Variants in TAC4 observed in about 807,000 individuals in gnomAD.
The protein encoded by TAC4 is tachykinin-4.
In TAC4, 17 loss-of-function variants were observed where a neutral mutation model predicts 17.7. The observed-to-expected ratio is 0.96, with a 90% CI of 0.66 to 1.44. The LOEUF (loss-of-function observed/expected upper bound fraction) is 1.44. TAC4 is among the 40% of genes most tolerant of loss of function. The probability of loss-of-function intolerance (pLI) is 0.00; values close to 1 mark genes in which losing one functional copy is unlikely to be tolerated. For synonymous variants in TAC4, 62 were observed against 52.4 expected (o/e 1.18, Z -0.79); for missense variants, 118 against 125.6 (o/e 0.94, Z 0.29).
chr17:49,838,747 C>T, intron 4 of TAC4, 74 bp from the exon 5 acceptor site: 1 of 1,523,870 alleles, frequency 6.6e-7, no homozygotes, highest in Non-Finnish European at 8.9e-7. Context: ...AGAAGTCTTC[C>T]CTAGTTGCAT....
chr17:49,838,712 G>C (rs773038472), intron 4 of TAC4, 39 bp from the exon 5 acceptor site: 3 of 1,603,628 alleles, frequency 1.9e-6, no homozygotes, highest in Non-Finnish European at 2.6e-6. Context: ...GTTAGTCGGG[G>C]GTCTTGTCTG....
rs1025057815 is a variant in TAC4 at position 49,841,142 on chromosome 17, T to C, written c.232+410A>G. 9.2e-5 allele frequency among the ~76,000 whole-genome samples: 14 copies of C among 151,776 alleles called. 1 individual carries two copies. The highest frequency in any genetic ancestry group is 2.9e-5 in the Non-Finnish European group (2 of 67,972). Reference sequence around the variant, plus strand: ...CTCAAGTGATCTGGCTGCCTTGGCCTCCCAAAGTGCTGAGATTACAGGCAT... The same window carrying C: ...CTCAAGTGATCTGGCTGCCTTGGCCCCCCAAAGTGCTGAGATTACAGGCAT... On this transcript the variant is annotated intron_variant, in intron 3 of 4. Transcript: ENST00000436235.
At chr17:49,843,255 A>C (rs1208123362) in intron 2 of TAC4, among the ~76,000 whole-genome samples, 1 of 152,254 alleles carries the variant, frequency 6.6e-6, no homozygotes, top group Non-Finnish European at 1.5e-5. Context: ...TGACAATAAG[A>C]GAAAACTGCT....
chr17:49,838,800 T>C, intron 4 of TAC4, 127 bp from the exon 5 acceptor site: 1 of 872,362 alleles, frequency 1.1e-6, no homozygotes, highest in Non-Finnish European at 1.8e-6. Flanking sequence ...TTTCTGGAGA[T>C]ATCTAGGGCA....
intron 1 of TAC4, among the ~76,000 whole-genome samples, chr17:49,845,652 G>A (rs1382659569): frequency 1.3e-5 from 2 of 152,138 alleles, no homozygotes; most frequent in Admixed American, 6.5e-5. Context: ...AATGCGAGCC[G>A]CCTGCCAGGA....
At chr17:49,846,110 A>G (rs2074536372) in intron 1 of TAC4, 1 of 840,940 alleles carries the variant, frequency 1.2e-6, no homozygotes. Flanking sequence ...GTGGGGGGGC[A>G]TTCGGAGACA....
At chr17:49,847,327 TTGTC>T (rs2074550553) in intron 1 of TAC4, 1 of 1,188,634 alleles carries the variant, frequency 8.4e-7, no homozygotes, top group African/African-American at 1.6e-5. Context: ...CCCAATCAGA[TTGTC>T]AGGCAGGAGT....
chr17:49,847,279 T>G lies in TAC4; in HGVS notation c.105+634A>C, dbSNP rs756407796. On this transcript the variant is annotated intron_variant, in intron 1 of 4. Coordinates refer to ENST00000436235, the MANE Select transcript of TAC4 (RefSeq NM_001077506.2). Reference sequence around the variant, plus strand: ...CTGGCTTGTTGGTATCTGTCCCTTGTCTGATTAGGGAACGCCTGAGGTCAG... The same window carrying G: ...CTGGCTTGTTGGTATCTGTCCCTTGGCTGATTAGGGAACGCCTGAGGTCAG... The G allele has an allele frequency of 1.2e-5, 15 of 1,282,770 alleles. No homozygotes were observed. Among genetic ancestry groups the G allele is most frequent in the Non-Finnish European group, 1.5e-5 (15 of 983,714 alleles). The allele number at this position is 1,282,770 out of a possible 1,614,324, so 79.5% of individuals were successfully genotyped here.
At chr17:49,839,487 A>G (rs1382292299) in intron 4 of TAC4, among the ~76,000 whole-genome samples, 1 of 152,228 alleles carries the variant, frequency 6.6e-6, no homozygotes, top group East Asian at 1.9e-4. Context: ...CTAATGATCA[A>G]TGATTAGTGT....
intron 2 of TAC4, 121 bp from the exon 3 acceptor site, chr17:49,841,705 A>G (rs1278399933): frequency 3.1e-6 from 3 of 964,470 alleles, no homozygotes; most frequent in East Asian, 3.1e-5. Flanking sequence ...GTAGAATTCT[A>G]GTCATCCCCA....
chr17:49,840,503 C>A (rs1039292978), intron 3 of TAC4, among the ~76,000 whole-genome samples: 1 of 151,750 alleles, frequency 6.6e-6, no homozygotes, highest in Non-Finnish European at 1.5e-5. Flanking sequence ...GGTTACTTTT[C>A]TTTCTTTCTT....
At chr17:49,847,589 G>A in intron 1 of TAC4, 1 of 359,136 alleles carries the variant, frequency 2.8e-6, no homozygotes, top group South Asian at 2.3e-5. Flanking sequence ...TCCCCATGAG[G>A]TTGATGGGAG....
intron 1 of TAC4, chr17:49,847,694 C>CACACACACACAG: frequency 6.0e-6 from 1 of 166,438 alleles, no homozygotes; most frequent in South Asian, 7.8e-5. Flanking sequence ...CACACACAGA[C>CACACACACACAG]ACACACACAC....
chr17:49,840,023 G>C (rs915803241), intron 3 of TAC4, 114 bp from the exon 4 acceptor site: 32 of 921,254 alleles, frequency 3.5e-5, no homozygotes, highest in Admixed American at 7.4e-5. Flanking sequence ...CAGGGCTGGG[G>C]CCTTGCAAAT....
At position 49,848,039 on chromosome 17, in the gene TAC4, A is replaced by G. The variant is rs761911213; in HGVS notation, c.-22T>C. 1.9e-6 allele frequency: 3 copies of G among 1,613,118 alleles called. No homozygotes were observed. In the Admixed American group the frequency reaches 5.0e-5, roughly 27 times the overall value. On this transcript the variant is annotated 5_prime_UTR_variant, in exon 1 of 5. Transcript: ENST00000436235. ...GCATGGTGAGCCTGCACTGTCCTGG[A>G]ATCTCTGGGAGCCCCTCTCAGCTTG...
rs1348324828 is a variant in TAC4, at chr17:49,847,937, T to G, written c.81A>C (p.Thr27=). The part of the protein sequence containing the change: ...TVAGDGGEEQ[T]LSTEAETWEG... ...CCCAGGTCTCTGCTTCAGTGCTGAG[T>G]GTCTGTTCCTCTCCACCATCACCTG... is the stretch of plus-strand genomic sequence containing the variant. The change falls in exon 1 of 5, where the codon ACA becomes ACC. Residue 27 remains threonine (T), a synonymous_variant. Transcript: ENST00000436235. 1.9e-6 allele frequency: 3 copies of G among 1,613,980 alleles called. No homozygotes were observed. Among genetic ancestry groups the G allele is most frequent in the Non-Finnish European group, 2.5e-6 (3 of 1,180,030 alleles).
intron 1 of TAC4, among the ~76,000 whole-genome samples, chr17:49,846,714 A>G (rs1341115701): frequency 6.6e-6 from 1 of 152,196 alleles, no homozygotes; most frequent in African/African-American, 2.4e-5. Flanking sequence ...AAGGAGAGTA[A>G]GGATTAGACC....
In TAC4 at chr17:49,839,919, G is replaced by A. The variant is rs570128913; in HGVS notation, c.233-10C>T. 6.2e-7 allele frequency: 1 copy of A among 1,611,286 alleles called. No individual in the cohort carries two copies. The highest frequency in any genetic ancestry group is 8.5e-7 in the Non-Finnish European group (1 of 1,178,772). On this transcript the variant is annotated splice_polypyrimidine_tract_variant and intron_variant, in intron 3 of 4. Coordinates refer to ENST00000436235, the MANE Select transcript of TAC4 (RefSeq NM_001077506.2). ...TGTTCCAGCTGATATGCTGGTGGTG[G>A]GAGAGAGAAGTGGTAGAGGAGAGAG...
intron 3 of TAC4, among the ~76,000 whole-genome samples, chr17:49,840,134 C>A (rs1263938509): frequency 6.6e-6 from 1 of 152,256 alleles, no homozygotes; most frequent in South Asian, 2.1e-4. Flanking sequence ...CTCCTCCATT[C>A]TCCCTCTGCT....
Sources: gnomAD v4.1 joint callset for allele counts (sites outside exome capture counted in the v4.1 genomes callset) on GRCh38, gnomAD v4.1.1 for gene constraint, MANE v1.5 for transcripts, NCBI Gene and HGNC (gene_info 2026-07-23, HGNC 2026-07-21) for gene names.